Variants in MLIP observed in about 807,000 individuals in gnomAD.
The protein encoded by MLIP is muscular LMNA interacting protein, also known as muscular LMNA-interacting protein.
Under a neutral mutation model 84.8 loss-of-function variants are expected in MLIP, and 79 were observed. That is an observed-to-expected ratio of 0.93 (90% CI 0.78 to 1.12). The LOEUF (loss-of-function observed/expected upper bound fraction) is 1.12. Among genes scored for constraint, MLIP ranks in the 50% most tolerant of loss-of-function variants. The pLI is 0.00. For synonymous variants in MLIP, 504 were observed against 463.0 expected (o/e 1.09, Z -1.14); for missense variants, 1,257 against 1,160.6 (o/e 1.08, Z -1.21).
intron 5 of MLIP, among the ~76,000 whole-genome samples, chr6:54,158,133 T>C (rs9474745): frequency 6.6e-6 from 1 of 151,856 alleles, no homozygotes; most frequent in Admixed American, 6.6e-5. Context: ...TGGATGGAGA[T>C]CCCTGGTTGT....
intron 1 of MLIP, among the ~76,000 whole-genome samples, chr6:54,035,717 G>T (rs1764394564): frequency 6.6e-6 from 1 of 151,610 alleles, no homozygotes; most frequent in Non-Finnish European, 1.5e-5. Context: ...TGATTGTTAG[G>T]GTGTTGAACA....
At chr6:54,121,697 T>A in intron 2 of MLIP, 95 bp downstream of exon 2, 1 of 966,488 alleles carries the variant, frequency 1.0e-6, no homozygotes, top group Admixed American at 3.0e-5. Flanking sequence ...TGTGCTTAAA[T>A]TAAGGTGACT....
At chr6:54,035,525 T>G (rs1323986005) in intron 1 of MLIP, among the ~76,000 whole-genome samples, 2 of 152,096 alleles carry the variant, frequency 1.3e-5, no homozygotes, top group African/African-American at 4.8e-5. Flanking sequence ...TTTTTTTTAG[T>G]TTTAAAGGGA....
intron 1 of MLIP, among the ~76,000 whole-genome samples, chr6:54,019,678 T>G (rs1249402025): frequency 6.6e-6 from 1 of 152,202 alleles, no homozygotes. Flanking sequence ...CCATGGCTCA[T>G]CTGATGAGCA....
intron 1 of MLIP, among the ~76,000 whole-genome samples, chr6:54,092,420 C>T (rs1193359874): frequency 1.3e-5 from 2 of 152,184 alleles, no homozygotes; most frequent in African/African-American, 4.8e-5. Flanking sequence ...CACAGTAGTC[C>T]TATGTTTGAC....
At chr6:54,021,476 ATAAG>A (rs1480582569) in intron 1 of MLIP, among the ~76,000 whole-genome samples, 3 of 152,198 alleles carry the variant, frequency 2.0e-5, no homozygotes, top group African/African-American at 4.8e-5. Context: ...TCTATAGTAA[ATAAG>A]TAAGAAAGTC....
intron 1 of MLIP, among the ~76,000 whole-genome samples, chr6:54,117,642 A>T (rs987136853): frequency 1.3e-5 from 2 of 151,752 alleles, no homozygotes; most frequent in Admixed American, 1.3e-4. Flanking sequence ...AGATGACAGG[A>T]TCTTATATAT....
At chr6:54,145,640 CTG>C (rs1259299830) in intron 4 of MLIP, among the ~76,000 whole-genome samples, 1 of 151,752 alleles carries the variant, frequency 6.6e-6, no homozygotes, top group Non-Finnish European at 1.5e-5. Context: ...GCTGGGTATG[CTG>C]CCACATGCCT....
At chr6:54,028,975 T>G (rs1402719371) in intron 1 of MLIP, 1 of 152,254 alleles carries the variant, frequency 6.6e-6, no homozygotes, top group African/African-American at 2.4e-5. Context: ...ACACTGATTT[T>G]TCTCTTTGCC....
chr6:54,182,103 A>T (rs1776933005), intron 9 of MLIP, among the ~76,000 whole-genome samples: 1 of 152,142 alleles, frequency 6.6e-6, no homozygotes, highest in Admixed American at 6.5e-5. Context: ...TGCAGTCCTT[A>T]TGTCCTAGAC....
intron 9 of MLIP, among the ~76,000 whole-genome samples, chr6:54,176,243 T>A (rs569448417): frequency 1.3e-5 from 2 of 151,896 alleles, no homozygotes; most frequent in African/African-American, 4.8e-5. Flanking sequence ...GGTCTCATTA[T>A]AGAATGAGAT....
chr6:54,052,741 C>T (rs1401786029), intron 1 of MLIP, among the ~76,000 whole-genome samples: 1 of 151,762 alleles, frequency 6.6e-6, no homozygotes, highest in African/African-American at 2.4e-5. Flanking sequence ...GAGTGATAGT[C>T]CAAGATAGAA....
chr6:54,258,763 G>A (rs910870449), intron 13 of MLIP, among the ~76,000 whole-genome samples: 1 of 151,968 alleles, frequency 6.6e-6, no homozygotes, highest in East Asian at 1.9e-4. Flanking sequence ...ATTCTTTTTA[G>A]AGATGAGGAA....
chr6:54,235,994 A>G lies in MLIP; in HGVS notation c.2922+5077A>G, dbSNP rs57943356. Among the ~76,000 whole-genome samples, 1,067 of 152,308 alleles carry G rather than the reference A, an allele frequency of 7.0e-3. 32 individuals carry two copies. The highest frequency in any genetic ancestry group is 0.054 in the East Asian group (280 of 5,190). ...GCCCCTACAGCTTACATGGGAGAAC[A>G]TTATTACCTGCTTGCTGGGAGCAAG... On this transcript the variant is annotated intron_variant, in intron 12 of 13. Transcript: ENST00000502396.
intron 11 of MLIP, chr6:54,215,611 A>T: frequency 5.8e-6 from 1 of 172,950 alleles, no homozygotes; most frequent in Non-Finnish European, 1.2e-5. Flanking sequence ...GTGTGTGTAT[A>T]TGGGAGAAGA....
At chr6:54,219,161 A>C (rs928500130) in intron 11 of MLIP, among the ~76,000 whole-genome samples, 1 of 151,920 alleles carries the variant, frequency 6.6e-6, no homozygotes, top group Non-Finnish European at 1.5e-5. Context: ...AGCCGAGATC[A>C]TGCCACTGTA....
At chr6:54,257,685 T>C (rs1433110229) in intron 13 of MLIP, among the ~76,000 whole-genome samples, 1 of 152,092 alleles carries the variant, frequency 6.6e-6, no homozygotes, top group Non-Finnish European at 1.5e-5. Context: ...CTCTAGAGGG[T>C]CAATGGATGT....
At chr6:54,218,978 C>T (rs1467602501) in intron 11 of MLIP, among the ~76,000 whole-genome samples, 2 of 150,448 alleles carry the variant, frequency 1.3e-5, no homozygotes, top group Non-Finnish European at 2.9e-5. Flanking sequence ...CTGAAGCAGG[C>T]GGATCATGAG....
At chr6:54,120,620 G>C (rs188262261) in intron 1 of MLIP, among the ~76,000 whole-genome samples, 11 of 152,268 alleles carry the variant, frequency 7.2e-5, no homozygotes, top group Admixed American at 3.3e-4. Context: ...AATGTTAACA[G>C]AACAAAGTCC....
Sources: gnomAD v4.1 joint callset for allele counts (sites outside exome capture counted in the v4.1 genomes callset) on GRCh38, gnomAD v4.1.1 for gene constraint, MANE v1.5 for transcripts, NCBI Gene and HGNC (gene_info 2026-07-23, HGNC 2026-07-21) for gene names.